The following SHISAL2B variants were observed in gnomAD, a reference collection of about 807,000 sequenced individuals.
SHISAL2B encodes protein shisa-like-2B.
In SHISAL2B, 12 loss-of-function variants were observed where a neutral mutation model predicts 16.5. The ratio of observed to expected loss-of-function variants is 0.73; its 90% CI spans 0.47 to 1.18. SHISAL2B has a LOEUF of 1.18. Ranked by LOEUF, SHISAL2B falls within the 50% of genes most tolerant of loss-of-function variation. SHISAL2B has a pLI of 0.00. For synonymous variants in SHISAL2B, 72 were observed against 75.0 expected (o/e 0.96, Z 0.21); for missense variants, 183 against 193.6 (o/e 0.95, Z 0.33).
At chr5:64,704,188 G>A (rs749151343) in intron 2 of SHISAL2B, among the ~76,000 whole-genome samples, 3 of 152,188 alleles carry the variant, frequency 2.0e-5, no homozygotes, top group African/African-American at 4.8e-5. Context: ...CTTAATTACA[G>A]TTCTGCCTGA....
At chr5:64,714,143 G>T (rs1345127932) in intron 2 of SHISAL2B, among the ~76,000 whole-genome samples, 1 of 150,316 alleles carries the variant, frequency 6.7e-6, no homozygotes, top group South Asian at 2.1e-4. Context: ...CAGTTTTTCT[G>T]TTCTGTTTTT....
At chr5:64,707,584 A>T (rs997600960) in intron 2 of SHISAL2B, among the ~76,000 whole-genome samples, 4 of 152,250 alleles carry the variant, frequency 2.6e-5, no homozygotes, top group Non-Finnish European at 5.9e-5. Flanking sequence ...TTCTTATTGC[A>T]CTTACACAAA....
chr5:64,706,312 A>G (rs542276705), intron 2 of SHISAL2B, among the ~76,000 whole-genome samples: 43 of 152,348 alleles, frequency 2.8e-4, no homozygotes, highest in African/African-American at 9.9e-4. Context: ...GGCTCAGTGA[A>G]TCTGCATTTT....
chr5:64,693,048 C>T (rs2112054249), intron 1 of SHISAL2B, among the ~76,000 whole-genome samples: 1 of 151,962 alleles, frequency 6.6e-6, no homozygotes, highest in Middle Eastern at 3.4e-3. Flanking sequence ...CACTCTGTCG[C>T]CCAGGCTGGA....
intron 2 of SHISAL2B, among the ~76,000 whole-genome samples, chr5:64,702,015 G>A (rs1303075138): frequency 6.6e-6 from 1 of 152,136 alleles, no homozygotes; most frequent in East Asian, 1.9e-4. Context: ...ATTTTCAACT[G>A]TAGAAGTTTC....
chr5:64,699,028 G>A (rs1267388527), intron 2 of SHISAL2B, among the ~76,000 whole-genome samples: 1 of 152,172 alleles, frequency 6.6e-6, no homozygotes, highest in Admixed American at 6.5e-5. Context: ...TTAGAACATA[G>A]CAACAGAATT....
In SHISAL2B at chr5:64,715,978, C is replaced by T. The variant is rs184051582; in HGVS notation, c.350-1911C>T. On this transcript the variant is annotated intron_variant, in intron 2 of 2. Transcript: ENST00000389074. ...GGAATTTCTTGTTAAAGCGGAATTA[C>T]AGGGTAGGAACATTTGACACTTTTA... Among the ~76,000 whole-genome samples, 262 of 152,274 alleles carry T rather than the reference C, an allele frequency of 1.7e-3. 1 individual carries two copies. Among genetic ancestry groups the T allele is most frequent in the African/African-American group, 6.0e-3 (248 of 41,552 alleles).
At chr5:64,699,175 C>A (rs559529785) in intron 2 of SHISAL2B, among the ~76,000 whole-genome samples, 3 of 152,134 alleles carry the variant, frequency 2.0e-5, no homozygotes, top group African/African-American at 7.2e-5. Context: ...GTCAAATTGA[C>A]AAATCAATTC....
At position 64,698,602 on chromosome 5, in the gene SHISAL2B, A is replaced by G. The variant is rs143150820; in HGVS notation, c.349+2938A>G. On this transcript the variant is annotated intron_variant, in intron 2 of 2. Transcript: ENST00000389074. ...CCAGGAGCTCTCCCCTGGTTACCCT[A>G]TCTGTATTTTTAACTCCCTTTCAAC... Among the ~76,000 whole-genome samples the G allele has an allele frequency of 4.9e-3, 740 of 152,146 alleles. 5 individuals are homozygous for G. Among genetic ancestry groups the G allele is most frequent in the African/African-American group, 0.016 (677 of 41,516 alleles).
rs1385452093 is a variant in SHISAL2B, at chr5:64,718,014, G to A, written c.475G>A (p.Ala159Thr). The A allele has an allele frequency of 8.0e-6, 12 of 1,500,212 alleles. No homozygotes were observed. Among genetic ancestry groups the A allele is most frequent in the Non-Finnish European group, 1.1e-5 (12 of 1,137,856 alleles). 92.9% of individuals were successfully genotyped at this position (1,500,212 alleles called of 1,614,324 possible). The change falls in exon 3 of 3, where the codon GCT (alanine) becomes ACT (threonine). Residue 159 changes from alanine (A) to threonine (T), a missense_variant. Ala to Thr is a moderately conservative substitution (Grantham distance 58). Coordinates refer to ENST00000389074, the MANE Select transcript of SHISAL2B (RefSeq NM_001164442.2). ...AATGGATGCAACACAAATCCACATT[G>A]CTTATTAACTAAAAATTCTGTGTTT... ...KTMDATQIHI[A>T]Y
chr5:64,711,326 A>G (rs1293527871), intron 2 of SHISAL2B, among the ~76,000 whole-genome samples: 1 of 148,856 alleles, frequency 6.7e-6, no homozygotes, highest in East Asian at 1.9e-4. Flanking sequence ...TTCTGTTTAT[A>G]TGCTGGATTA....
At chr5:64,715,442 A>G (rs149206238) in intron 2 of SHISAL2B, among the ~76,000 whole-genome samples, 21 of 152,220 alleles carry the variant, frequency 1.4e-4, no homozygotes, top group African/African-American at 4.8e-4. Context: ...CTGAAGGAGA[A>G]TTCTTCAAGC....
intron 1 of SHISAL2B, chr5:64,694,090 A>C (rs890581873): frequency 2.2e-6 from 1 of 455,874 alleles, no homozygotes; most frequent in Non-Finnish European, 4.4e-6. Context: ...GGTACAGGTC[A>C]AACTTGTCAG....
At chr5:64,714,229 CCTTT>C (rs1487017570) in intron 2 of SHISAL2B, among the ~76,000 whole-genome samples, 2 of 140,446 alleles carry the variant, frequency 1.4e-5, no homozygotes, top group Non-Finnish European at 3.0e-5. Flanking sequence ...GTGTGGATGT[CCTTT>C]CTGTTTGTTA....
intron 2 of SHISAL2B, among the ~76,000 whole-genome samples, chr5:64,704,765 T>TA (rs375806506): frequency 0.043 from 6,436 of 149,424 alleles, 401 homozygotes; most frequent in African/African-American, 0.14. Context: ...TTCTATTTAT[T>TA]AAAAAAAAAA....
intron 1 of SHISAL2B, among the ~76,000 whole-genome samples, chr5:64,693,826 A>G (rs1741690118): frequency 6.6e-6 from 1 of 152,196 alleles, no homozygotes; most frequent in African/African-American, 2.4e-5. Context: ...CTCTAGCCAT[A>G]AAATTCCCCA....
At chr5:64,702,854 G>A (rs1348667589) in intron 2 of SHISAL2B, among the ~76,000 whole-genome samples, 1 of 152,094 alleles carries the variant, frequency 6.6e-6, no homozygotes, top group Admixed American at 6.6e-5. Flanking sequence ...AATTTAAAAT[G>A]TCACTAGTCA....
chr5:64,699,731 A>G (rs988357834), intron 2 of SHISAL2B, among the ~76,000 whole-genome samples: 2 of 152,216 alleles, frequency 1.3e-5, no homozygotes, highest in Admixed American at 1.3e-4. Flanking sequence ...TTGTGTACAT[A>G]CTAAATTGAC....
chr5:64,693,169 G>A (rs1289463916), intron 1 of SHISAL2B, among the ~76,000 whole-genome samples: 2 of 151,972 alleles, frequency 1.3e-5, no homozygotes, highest in Non-Finnish European at 2.9e-5. Context: ...CACCATGCCT[G>A]GCTAATTTTT....
Sources: gnomAD v4.1 joint callset for allele counts (sites outside exome capture counted in the v4.1 genomes callset) on GRCh38, gnomAD v4.1.1 for gene constraint, MANE v1.5 for transcripts, NCBI Gene and HGNC (gene_info 2026-07-23, HGNC 2026-07-21) for gene names.